The following TET1 variants were observed in gnomAD, a reference collection of about 807,000 sequenced individuals.
The protein encoded by TET1 is methylcytosine dioxygenase TET1.
Under a neutral mutation model 148.7 loss-of-function variants are expected in TET1, and 13 were observed. The observed-to-expected ratio is 0.09, with a 90% CI of 0.06 to 0.14. TET1 has a LOEUF of 0.14. Ranked by LOEUF, TET1 falls within the 10% of genes least tolerant of loss-of-function variation. The pLI is 1.00. For missense variants in TET1, 2,182 were observed against 2,553.8 expected (o/e 0.85, Z 3.14); for synonymous variants, 907 against 937.2 (o/e 0.97, Z 0.59).
At chr10:68,654,903 A>G (rs537696344) in intron 6 of TET1, among the ~76,000 whole-genome samples, 64 of 152,334 alleles carry the variant, frequency 4.2e-4, no homozygotes, top group Middle Eastern at 3.4e-3. Context: ...AAGCTCCCTT[A>G]CAGGAGGCCT....
chr10:68,672,880 A>T lies in TET1; in HGVS notation c.4674-15A>T. 6.3e-7 allele frequency: 1 copy of T among 1,596,498 alleles called. No homozygotes were observed. The highest frequency in any genetic ancestry group is 2.2e-5 in the East Asian group (1 of 44,768). On this transcript the variant is annotated splice_polypyrimidine_tract_variant and intron_variant, in intron 7 of 11. Transcript: ENST00000373644. ...ATGCTTCATCAATTCACTCTCTTGA[A>T]TTACAATCTTACAGTCGTACCTGTA... is the stretch of plus-strand genomic sequence containing the variant.
chr10:68,642,617 T>C (rs1005469120), intron 3 of TET1, among the ~76,000 whole-genome samples: 3 of 152,122 alleles, frequency 2.0e-5, no homozygotes, highest in Non-Finnish European at 4.4e-5. Context: ...TCTTCTTTTT[T>C]TTTTGAGATG....
chr10:68,627,088 A>G (rs2054494865), intron 3 of TET1, among the ~76,000 whole-genome samples: 1 of 152,104 alleles, frequency 6.6e-6, no homozygotes, highest in Non-Finnish European at 1.5e-5. Context: ...CCTGGCCAAC[A>G]TTGTGAAACC....
chr10:68,681,419 C>A lies in TET1; in HGVS notation c.4845C>A (p.Asn1615Lys). 1 of 1,613,550 alleles carries A rather than the reference C, an allele frequency of 6.2e-7. No individual in the cohort carries two copies. The highest frequency in any genetic ancestry group is 2.2e-5 in the East Asian group (1 of 44,850). ...SPLHEKNLED[N>K]LQSLATRLAP... The stretch of plus-strand genomic sequence containing the variant: ...TATAGGAAAAAAACCTTGAAGATAA[C>A]TTACAGAGTTTGGCTACACGATTAG... Residue 1615 changes from asparagine (N) to lysine (K), a missense_variant, in exon 9 of 12, where the codon AAC becomes AAA. By Grantham distance (94) the Asn-to-Lys change is moderately conservative. Transcript: ENST00000373644.
In TET1 at chr10:68,643,465, A is replaced by G. The variant is rs149113396; in HGVS notation, c.1969-1233A>G. Among the ~76,000 whole-genome samples, 587 of 152,232 alleles carry G rather than the reference A, an allele frequency of 3.9e-3. 3 individuals carry two copies. Among genetic ancestry groups the G allele is most frequent in the African/African-American group, 0.013 (551 of 41,532 alleles). On this transcript the variant is annotated intron_variant, in intron 3 of 11. Transcript: ENST00000373644. ...TCATTTTGTGAAAACTTAACAAGCTATATACTTATGATTTGTACACCTTTC... is the reference window on the plus strand; with the variant it reads ...TCATTTTGTGAAAACTTAACAAGCTGTATACTTATGATTTGTACACCTTTC...
At chr10:68,637,610 C>T (rs2054673904) in intron 3 of TET1, among the ~76,000 whole-genome samples, 1 of 147,372 alleles carries the variant, frequency 6.8e-6, no homozygotes, top group African/African-American at 2.5e-5. Flanking sequence ...ACTGCAACCT[C>T]TGCCTTCCAG....
intron 2 of TET1, among the ~76,000 whole-genome samples, chr10:68,579,221 C>T (rs10823231): frequency 0.34 from 51,404 of 152,074 alleles, 9,033 homozygotes; most frequent in Middle Eastern, 0.44. Context: ...CACTGTATCT[C>T]TAATGGATAT....
chr10:68,683,430 G>A (rs34219621), intron 10 of TET1, among the ~76,000 whole-genome samples: 58 of 151,922 alleles, frequency 3.8e-4, no homozygotes, highest in Admixed American at 1.3e-3. Flanking sequence ...AGGCGCCCAC[G>A]ACCACACCCG....
At position 68,681,503 on chromosome 10, in the gene TET1, G is replaced by T; in HGVS notation, c.4914+15G>T. ...ACCAAAATCAGGTATGTATTGGTAT[G>T]AACTTTTTATTTATTTATTAATTTG... On this transcript the variant is annotated intron_variant, in intron 9 of 11. Transcript: ENST00000373644. The T allele has an allele frequency of 6.4e-7, 1 of 1,565,346 alleles. No homozygotes were observed. Among genetic ancestry groups the T allele is most frequent in the Non-Finnish European group, 8.8e-7 (1 of 1,139,308 alleles).
In TET1 at chr10:68,613,423, T is replaced by A. The variant is rs1478273054; in HGVS notation, c.1968+12389T>A. ...CAATCTATGTTTAACTGTTGGAGTCTTTGTTGGAGACTGTCCAAAGTTCCT... is the reference window on the plus strand; with the variant it reads ...CAATCTATGTTTAACTGTTGGAGTCATTGTTGGAGACTGTCCAAAGTTCCT... On this transcript the variant is annotated intron_variant, in intron 3 of 11. Transcript: ENST00000373644. Among the ~76,000 whole-genome samples the A allele has an allele frequency of 2.6e-5, 4 of 152,208 alleles. No homozygotes were observed. The South Asian group carries it at 8.3e-4, about 31-fold the overall frequency.
intron 11 of TET1, among the ~76,000 whole-genome samples, chr10:68,688,754 A>G (rs1030676856): frequency 2.6e-5 from 4 of 152,126 alleles, no homozygotes; most frequent in African/African-American, 9.7e-5. Flanking sequence ...CTTAACTTCT[A>G]TAACAAGTTG....
chr10:68,678,328 T>C (rs2055391651), intron 8 of TET1, among the ~76,000 whole-genome samples: 1 of 152,218 alleles, frequency 6.6e-6, no homozygotes, highest in Non-Finnish European at 1.5e-5. Context: ...TATATTGGTA[T>C]TGAGATTCCT....
At chr10:68,672,767 TA>T in intron 7 of TET1, 127 bp from the exon 8 acceptor site, 1 of 628,172 alleles carries the variant, frequency 1.6e-6, no homozygotes, top group Non-Finnish European at 2.5e-6. Flanking sequence ...AAATAAGTAA[TA>T]TAATAGATAA....
rs945146979 is a variant in TET1 at position 68,560,490 on chromosome 10, C to T, written c.-375C>T. Reference sequence around the variant, plus strand: ...CCCCCGGGACACCCCTCTGCCTCGCCCAAGTCATGCAGCCCTACCTGCCTC... The same window carrying T: ...CCCCCGGGACACCCCTCTGCCTCGCTCAAGTCATGCAGCCCTACCTGCCTC... On this transcript the variant is annotated 5_prime_UTR_variant, in exon 1 of 12. Transcript: ENST00000373644. Among the ~76,000 whole-genome samples, 2 of 152,220 alleles carry T rather than the reference C, an allele frequency of 1.3e-5. No homozygotes were observed. The highest frequency in any genetic ancestry group is 1.5e-5 in the Non-Finnish European group (1 of 68,034).
At chr10:68,687,898 C>T (rs1196881611) in intron 11 of TET1, among the ~76,000 whole-genome samples, 1 of 151,994 alleles carries the variant, frequency 6.6e-6, no homozygotes, top group South Asian at 2.1e-4. Context: ...TATAAAGTCT[C>T]GTTAGTTTTG....
At chr10:68,620,055 G>A (rs2054348018) in intron 3 of TET1, among the ~76,000 whole-genome samples, 1 of 152,132 alleles carries the variant, frequency 6.6e-6, no homozygotes. Flanking sequence ...TTAGCCAGGC[G>A]TGGTGGCAGG....
intron 2 of TET1, among the ~76,000 whole-genome samples, chr10:68,586,854 T>C (rs138624821): frequency 6.6e-6 from 1 of 152,358 alleles, no homozygotes; most frequent in Non-Finnish European, 1.5e-5. Flanking sequence ...GTGTGTCTGC[T>C]ATACAACAGA....
intron 1 of TET1, among the ~76,000 whole-genome samples, chr10:68,561,574 G>C (rs1564943077): frequency 6.6e-6 from 1 of 152,150 alleles, no homozygotes; most frequent in Non-Finnish European, 1.5e-5. Context: ...CGCGGAGCTG[G>C]GTGCTGGGGC....
intron 2 of TET1, among the ~76,000 whole-genome samples, chr10:68,583,640 C>G (rs895198368): frequency 1.3e-5 from 2 of 152,188 alleles, no homozygotes; most frequent in Admixed American, 1.3e-4. Flanking sequence ...TGACCGGACA[C>G]GGTGGCTCTC....
Sources: allele counts gnomAD v4.1 joint callset (sites outside exome capture counted in the v4.1 genomes callset), GRCh38; gene constraint gnomAD v4.1.1; transcripts MANE v1.5; gene names NCBI Gene and HGNC (gene_info 2026-07-23, HGNC 2026-07-21).